NRG3: variants seen among roughly 807,000 people sequenced by gnomAD.
NRG3 encodes neuregulin 3.
In NRG3, 31 loss-of-function variants were observed where a neutral mutation model predicts 66.9. The observed-to-expected ratio is 0.46, with a 90% CI of 0.35 to 0.63. The LOEUF is 0.63. Among genes scored for constraint, NRG3 ranks in the 20% least tolerant of loss-of-function variants. The pLI, the probability that NRG3 is intolerant of heterozygous loss-of-function variation, is 0.00. For missense variants in NRG3, 910 were observed against 878.9 expected (o/e 1.04, Z -0.45); for synonymous variants, 393 against 359.4 (o/e 1.09, Z -1.06).
chr10:82,419,588 A>G (rs1246955265), intron 2 of NRG3, among the ~76,000 whole-genome samples: 1 of 152,154 alleles, frequency 6.6e-6, no homozygotes, highest in African/African-American at 2.4e-5. Context: ...TGATTTGTTA[A>G]TGGAGTATTC....
At chr10:82,793,776 G>T (rs2060684954) in intron 3 of NRG3, among the ~76,000 whole-genome samples, 1 of 152,158 alleles carries the variant, frequency 6.6e-6, no homozygotes, top group African/African-American at 2.4e-5. Flanking sequence ...AAACTGATCA[G>T]TGGCTTCTAA....
chr10:82,085,372 T>C (rs994570568), intron 1 of NRG3, among the ~76,000 whole-genome samples: 1 of 152,106 alleles, frequency 6.6e-6, no homozygotes, highest in Non-Finnish European at 1.5e-5. Flanking sequence ...TCTTTTGTGT[T>C]GCTATAATAG....
chr10:82,295,336 C>T (rs974977423), intron 1 of NRG3, among the ~76,000 whole-genome samples: 13 of 151,974 alleles, frequency 8.6e-5, no homozygotes, highest in African/African-American at 2.7e-4. Flanking sequence ...TGGTTGCCAG[C>T]GATAAGCTTC....
intron 2 of NRG3, among the ~76,000 whole-genome samples, chr10:82,637,739 A>G (rs1376958611): frequency 1.3e-5 from 2 of 152,228 alleles, no homozygotes; most frequent in East Asian, 3.8e-4. Flanking sequence ...GCTAAGTACA[A>G]TGCTTACTTG....
chr10:82,332,795 TAGAG>T (rs1199793228), intron 1 of NRG3, among the ~76,000 whole-genome samples: 2 of 152,098 alleles, frequency 1.3e-5, no homozygotes, highest in Non-Finnish European at 2.9e-5. Context: ...AGACAGTAGA[TAGAG>T]AAAGAAACTG....
chr10:82,385,353 A>G (rs2085910129), intron 2 of NRG3, among the ~76,000 whole-genome samples: 1 of 151,998 alleles, frequency 6.6e-6, no homozygotes, highest in South Asian at 2.1e-4. Flanking sequence ...GACTGTATTT[A>G]TTATACCTAT....
At chr10:82,383,782 A>G (rs945590606) in intron 2 of NRG3, among the ~76,000 whole-genome samples, 5 of 151,970 alleles carry the variant, frequency 3.3e-5, no homozygotes, top group African/African-American at 7.2e-5. Context: ...TGATTTTAGA[A>G]TGAGGAAGAA....
At chr10:81,878,571 A>T (rs1249698326) in intron 1 of NRG3, among the ~76,000 whole-genome samples, 1 of 152,182 alleles carries the variant, frequency 6.6e-6, no homozygotes, top group Non-Finnish European at 1.5e-5. Context: ...AGGATGAAAA[A>T]AGCCTGAATC....
At chr10:82,025,443 A>C (rs2062255941) in intron 1 of NRG3, among the ~76,000 whole-genome samples, 1 of 151,900 alleles carries the variant, frequency 6.6e-6, no homozygotes, top group Non-Finnish European at 1.5e-5. Flanking sequence ...TTTCTTATAA[A>C]TAATAGTATG....
intron 1 of NRG3, among the ~76,000 whole-genome samples, chr10:82,349,666 C>T (rs544589030): frequency 9.9e-5 from 15 of 151,948 alleles, no homozygotes; most frequent in African/African-American, 3.6e-4. Context: ...CCCCCAACCT[C>T]GCTGCCGCCT....
intron 2 of NRG3, among the ~76,000 whole-genome samples, chr10:82,450,673 A>G (rs973329890): frequency 6.6e-6 from 1 of 152,152 alleles, no homozygotes; most frequent in Admixed American, 6.5e-5. Flanking sequence ...GTGGATTTTT[A>G]AAAAAGGCAC....
At chr10:82,103,128 T>A (rs1391745386) in intron 1 of NRG3, among the ~76,000 whole-genome samples, 1 of 152,160 alleles carries the variant, frequency 6.6e-6, no homozygotes, top group African/African-American at 2.4e-5. Flanking sequence ...TCTGGGCTGG[T>A]CTTTTCTTCA....
intron 1 of NRG3, among the ~76,000 whole-genome samples, chr10:82,146,285 A>G (rs1296991383): frequency 1.3e-5 from 2 of 152,158 alleles, no homozygotes; most frequent in Admixed American, 6.6e-5. Flanking sequence ...GCACATTTCA[A>G]TATTTTAGTA....
chr10:82,846,417 G>A (rs747902355), intron 3 of NRG3, among the ~76,000 whole-genome samples: 4 of 152,122 alleles, frequency 2.6e-5, no homozygotes, highest in Non-Finnish European at 5.9e-5. Flanking sequence ...GCTCTCCACA[G>A]ATTTATTAAA....
intron 3 of NRG3, among the ~76,000 whole-genome samples, chr10:82,771,236 G>A (rs1180413464): frequency 6.6e-6 from 1 of 152,086 alleles, no homozygotes; most frequent in Non-Finnish European, 1.5e-5. Context: ...GATAAAATTT[G>A]ACATGCTCTT....
intron 2 of NRG3, among the ~76,000 whole-genome samples, chr10:82,514,005 C>G (rs190346010): frequency 1.2e-4 from 19 of 152,176 alleles, no homozygotes; most frequent in African/African-American, 4.3e-4. Flanking sequence ...AGTGTCTGTT[C>G]ATGTCCTTTG....
intron 3 of NRG3, among the ~76,000 whole-genome samples, chr10:82,768,025 T>G (rs1180345250): frequency 6.6e-6 from 1 of 152,022 alleles, no homozygotes. Context: ...TGGTGTCATT[T>G]TGGAGGCCCC....
chr10:82,123,000 G>A (rs1470992714), intron 1 of NRG3, among the ~76,000 whole-genome samples: 1 of 85,300 alleles, frequency 1.2e-5, no homozygotes, highest in African/African-American at 3.1e-5. Context: ...TATTACTTTG[G>A]CAGTGAAAAA....
chr10:82,047,980 CA>C (rs1223703296), intron 1 of NRG3, among the ~76,000 whole-genome samples: 4 of 151,762 alleles, frequency 2.6e-5, no homozygotes, highest in African/African-American at 9.7e-5. Flanking sequence ...TTTAAACCAA[CA>C]AAGATCAAAA....
Sources: allele counts gnomAD v4.1 joint callset (sites outside exome capture counted in the v4.1 genomes callset), GRCh38; gene constraint gnomAD v4.1.1; transcripts MANE v1.5; gene names NCBI Gene and HGNC (gene_info 2026-07-23, HGNC 2026-07-21).